SFXN1: variants seen among roughly 807,000 people sequenced by gnomAD.
SFXN1 encodes the protein sideroflexin 1, also known as sideroflexin-1.
In SFXN1, 32 loss-of-function variants were observed where a neutral mutation model predicts 39.5. The ratio of observed to expected loss-of-function variants is 0.81; its 90% CI spans 0.61 to 1.09. The LOEUF is 1.09. Ranked by LOEUF, SFXN1 falls within the 50% of genes least tolerant of loss-of-function variation. SFXN1 has a pLI of 0.00. For synonymous variants in SFXN1, 136 were observed against 146.5 expected (o/e 0.93, Z 0.52); for missense variants, 402 against 407.1 (o/e 0.99, Z 0.11).
In SFXN1 at chr5:175,529,072, C is replaced by T. The variant is rs1227798308; in HGVS notation, c.*2338C>T. Reference sequence around the variant, plus strand: ...AAAGGAATGGCCGGGTGCGGTGGCTCACCCCTGTAATCCCAGCACTTTGGG... The same window carrying T: ...AAAGGAATGGCCGGGTGCGGTGGCTTACCCCTGTAATCCCAGCACTTTGGG... On this transcript the variant is annotated 3_prime_UTR_variant, in exon 11 of 11. Coordinates refer to ENST00000321442, the MANE Select transcript of SFXN1 (RefSeq NM_022754.7). The T allele has an allele frequency of 1.3e-5, 2 of 152,260 alleles. No homozygotes were observed. Among genetic ancestry groups the T allele is most frequent in the Non-Finnish European group, 2.9e-5 (2 of 68,118 alleles). The allele number at this position is 152,260 out of a possible 1,614,324, so 9.4% of individuals were successfully genotyped here. A position where few individuals can be genotyped will look rare whatever the true frequency, so the allele number is the denominator to read the frequency against.
intron 2 of SFXN1, among the ~76,000 whole-genome samples, chr5:175,505,537 CAATAATAATAATAATAAT>C (rs3049011): frequency 7.0e-6 from 1 of 143,864 alleles, no homozygotes; most frequent in African/African-American, 2.5e-5. Context: ...AACTCCATCA[CAATAATAATAATAATAAT>C]AATAATAATA....
chr5:175,500,403 AACACAC>A (rs4008099), intron 2 of SFXN1, among the ~76,000 whole-genome samples: 3,101 of 127,248 alleles, frequency 0.024, 58 homozygotes, highest in African/African-American at 0.056. Context: ...CCTGTACACC[AACACAC>A]ACACACACAC....
chr5:175,517,401 T>C lies in SFXN1; in HGVS notation c.774+738T>C, dbSNP rs549572822. Among the ~76,000 whole-genome samples, 17 of 151,978 alleles carry C rather than the reference T, an allele frequency of 1.1e-4. No homozygotes were observed. The East Asian group carries it at 3.3e-3, about 30-fold the overall frequency. On this transcript the variant is annotated intron_variant, in intron 8 of 10. Transcript: ENST00000321442. ...CCCCCTACCTGCCCCACGCCCCACA[T>C]GGAAGGGCCCACTGGTTTCAGAACC...
rs754056882 is a variant in SFXN1 at position 175,521,942 on chromosome 5, C to A, written c.798C>A (p.Pro266=). The A allele has an allele frequency of 7.5e-6, 12 of 1,603,356 alleles. No individual in the cohort carries two copies. Among genetic ancestry groups the A allele is most frequent in the Non-Finnish European group, 6.8e-6 (8 of 1,172,886 alleles). ...AGAGGTTCCCATGGATGAGTGCACC[C>A]ATTCAAGTTGGGTTAGTTGGCTTCT... ...FLKRFPWMSA[P]IQVGLVGFCL... The change falls in exon 9 of 11, where the codon CCC becomes CCA. Residue 266 remains proline (P), a synonymous_variant. Coordinates refer to ENST00000321442, the MANE Select transcript of SFXN1 (RefSeq NM_022754.7).
In SFXN1 at chr5:175,528,123, G is replaced by GTTAGCCAGGA. The variant is rs1490646337; in HGVS notation, c.*1390_*1391insTAGCCAGGAT. On this transcript the variant is annotated 3_prime_UTR_variant, in exon 11 of 11. Transcript: ENST00000321442. ...TTTTTAGTAGAGACGGGGTTTCACTGTGGTCTCGATCTCCTGACCTCGTGA... is the reference window on the plus strand; with the variant it reads ...TTTTTAGTAGAGACGGGGTTTCACTGTTAGCCAGGATGGTCTCGATCTCCTGACCTCGTGA... 13 of 151,752 alleles carry GTTAGCCAGGA rather than the reference G, an allele frequency of 8.6e-5. No homozygotes were observed. The highest frequency in any genetic ancestry group is 3.2e-3 in the Middle Eastern group (1 of 316). 9.4% of individuals were successfully genotyped at this position (151,752 alleles called of 1,614,324 possible).
In SFXN1 at chr5:175,484,844, C is replaced by T. The variant is rs542712727; in HGVS notation, c.-10+6205C>T. 4.6e-5 allele frequency among the ~76,000 whole-genome samples: 7 copies of T among 152,292 alleles called. No individual in the cohort carries two copies. The South Asian group carries it at 1.5e-3, about 32-fold the overall frequency. ...CCAAGTAGCCAGGATTACAGGTGCG[C>T]ACCACCACGCTCAGTGCTGTTGACT... On this transcript the variant is annotated intron_variant, in intron 1 of 10. Transcript: ENST00000321442.
intron 2 of SFXN1, among the ~76,000 whole-genome samples, chr5:175,507,202 G>T (rs978509669): frequency 1.3e-5 from 2 of 151,920 alleles, no homozygotes; most frequent in African/African-American, 4.8e-5. Context: ...GATTGCACAT[G>T]GCCTTCCTAT....
At chr5:175,526,539 T>A in intron 10 of SFXN1, 99 bp from the exon 11 acceptor site, 1 of 885,992 alleles carries the variant, frequency 1.1e-6, no homozygotes, top group Non-Finnish European at 1.9e-6. Flanking sequence ...ACTGTACCAG[T>A]CCTGGGATCT....
intron 6 of SFXN1, among the ~76,000 whole-genome samples, chr5:175,513,121 C>A (rs1385257278): frequency 6.6e-6 from 1 of 151,760 alleles, no homozygotes; most frequent in African/African-American, 2.4e-5. Context: ...GCCAACATGG[C>A]AAAACCCCGT....
intron 8 of SFXN1, among the ~76,000 whole-genome samples, chr5:175,521,146 T>C (rs952946193): frequency 1.3e-5 from 2 of 152,092 alleles, no homozygotes; most frequent in Non-Finnish European, 2.9e-5. Context: ...TATAACCATA[T>C]ATCTCATCAC....
At chr5:175,513,362 A>C in intron 6 of SFXN1, 101 bp from the exon 7 acceptor site, 4 of 962,544 alleles carry the variant, frequency 4.2e-6, no homozygotes, top group East Asian at 3.6e-5. Context: ...TTGAGTGGGT[A>C]TTTGAATTAA....
In SFXN1 at chr5:175,513,193, G is replaced by T. The variant is rs554598453; in HGVS notation, c.597-270G>T. The stretch of plus-strand genomic sequence containing the variant: ...CACATGCCTGTAATTCTAGCTACTC[G>T]GGAGGCTGAGGCAGGAGAATCGCTT... On this transcript the variant is annotated intron_variant, in intron 6 of 10. Coordinates refer to ENST00000321442, the MANE Select transcript of SFXN1 (RefSeq NM_022754.7). Among the ~76,000 whole-genome samples, 190 of 151,116 alleles carry T rather than the reference G, an allele frequency of 1.3e-3. 3 individuals carry two copies. Among genetic ancestry groups the T allele is most frequent in the African/African-American group, 4.3e-3 (178 of 41,224 alleles).
At chr5:175,526,595 C>G in intron 10 of SFXN1, 43 bp from the exon 11 acceptor site, 1 of 1,532,786 alleles carries the variant, frequency 6.5e-7, no homozygotes, top group Non-Finnish European at 9.0e-7. Flanking sequence ...CTGATTCTCA[C>G]CTCTGCCTGT....
rs116454762 is a variant in SFXN1, at chr5:175,507,992, A to G, written c.165-1040A>G. On this transcript the variant is annotated intron_variant, in intron 2 of 10. Coordinates refer to ENST00000321442, the MANE Select transcript of SFXN1 (RefSeq NM_022754.7). ...TGTCTTTAAAAAAAAAAAAAAAAAA[A>G]TTCTTCCTGAACTAGCTTTTCATTC... 1.0e-4 allele frequency among the ~76,000 whole-genome samples: 15 copies of G among 146,254 alleles called. No individual in the cohort carries two copies. The East Asian group carries it at 1.8e-3, about 18-fold the overall frequency.
At chr5:175,515,133 C>T (rs543813299) in intron 7 of SFXN1, among the ~76,000 whole-genome samples, 1 of 152,340 alleles carries the variant, frequency 6.6e-6, no homozygotes, top group South Asian at 2.1e-4. Flanking sequence ...CCTCCTACCT[C>T]AGCTTCCCCA....
chr5:175,524,121 AAAAAATATATAT>A (rs1481311023), intron 10 of SFXN1: 57 of 35,146 alleles, frequency 1.6e-3, no homozygotes, highest in East Asian at 7.8e-3. Flanking sequence ...AAAAAAAAAA[AAAAAATATATAT>A]ATATATATAT....
chr5:175,514,076 C>A (rs745520396), intron 7 of SFXN1, among the ~76,000 whole-genome samples: 4 of 152,008 alleles, frequency 2.6e-5, no homozygotes, highest in Admixed American at 2.6e-4. Flanking sequence ...CATACAGGAG[C>A]AGCACAGTCT....
At chr5:175,485,827 T>C (rs1281804162) in intron 1 of SFXN1, among the ~76,000 whole-genome samples, 1 of 152,224 alleles carries the variant, frequency 6.6e-6, no homozygotes, top group African/African-American at 2.4e-5. Flanking sequence ...GAACTCCTGC[T>C]GCTTCCCTTG....
chr5:175,481,202 A>G (rs1759236502), intron 1 of SFXN1, among the ~76,000 whole-genome samples: 1 of 152,060 alleles, frequency 6.6e-6, no homozygotes, highest in Non-Finnish European at 1.5e-5. Flanking sequence ...ATTTTTTTTT[A>G]ACTGTAATAA....
Sources: gnomAD v4.1 joint callset for allele counts (sites outside exome capture counted in the v4.1 genomes callset) on GRCh38, gnomAD v4.1.1 for gene constraint, MANE v1.5 for transcripts, NCBI Gene and HGNC (gene_info 2026-07-23, HGNC 2026-07-21) for gene names.